Variants in RBFOX1 observed in about 807,000 individuals in gnomAD.
The protein encoded by RBFOX1 is RNA binding fox-1 homolog 1.
In RBFOX1, 8 loss-of-function variants were observed where a neutral mutation model predicts 57.7. The observed-to-expected ratio is 0.14, with a 90% CI of 0.08 to 0.25. The LOEUF is 0.25. Ranked by LOEUF, RBFOX1 falls within the 10% of genes least tolerant of loss-of-function variation. The pLI, the probability that RBFOX1 is intolerant of heterozygous loss-of-function variation, is 1.00. For synonymous variants in RBFOX1, 326 were observed against 222.4 expected (o/e 1.47, Z -4.15); for missense variants, 611 against 548.5 (o/e 1.11, Z -1.14).
At chr16:6,881,260 A>G (rs990133430) in intron 3 of RBFOX1, among the ~76,000 whole-genome samples, 1 of 152,198 alleles carries the variant, frequency 6.6e-6, no homozygotes, top group African/African-American at 2.4e-5. Flanking sequence ...GATTGGACCT[A>G]GGTGGGGAGA....
At chr16:5,613,931 T>A (rs1184886249) in intron 3 of RBFOX1, among the ~76,000 whole-genome samples, 3 of 152,066 alleles carry the variant, frequency 2.0e-5, no homozygotes, top group Non-Finnish European at 2.9e-5. Context: ...GGACTTTTTT[T>A]TTTTTTTTAT....
At position 6,348,643 on chromosome 16, in the gene RBFOX1, CAGG is replaced by C. The variant is rs1251049412; in HGVS notation, c.-64+31593_-64+31595del. Among the ~76,000 whole-genome samples, 3 of 152,294 alleles carry C rather than the reference CAGG, an allele frequency of 2.0e-5. No individual in the cohort carries two copies. In the East Asian group the frequency reaches 5.8e-4, roughly 29 times the overall value. On this transcript the variant is annotated intron_variant, in intron 2 of 15. Coordinates refer to ENST00000550418, the MANE Select transcript of RBFOX1 (RefSeq NM_018723.4). ...CTTTTACTCATGACGGAAGGCAAAG[CAGG>C]AGGAGGCATCTCAGAGCAGGAGCAG... is the stretch of plus-strand genomic sequence containing the variant.
chr16:6,724,762 A>G (rs770050848), intron 3 of RBFOX1, among the ~76,000 whole-genome samples: 6 of 152,072 alleles, frequency 3.9e-5, no homozygotes, highest in Non-Finnish European at 7.3e-5. Flanking sequence ...GTTCTGGGGT[A>G]CACTTGCAGA....
intron 4 of RBFOX1, among the ~76,000 whole-genome samples, chr16:7,127,610 G>A (rs1246125278): frequency 1.3e-5 from 2 of 152,194 alleles, no homozygotes; most frequent in Admixed American, 1.3e-4. Flanking sequence ...TGAATAAGTT[G>A]AGAGTGAGAG....
intron 1 of RBFOX1, among the ~76,000 whole-genome samples, chr16:6,308,101 A>G (rs1372580899): frequency 1.3e-5 from 2 of 151,210 alleles, no homozygotes; most frequent in African/African-American, 4.8e-5. Context: ...TATTTAGGTT[A>G]TTATTTACAT....
At chr16:7,495,883 C>G (rs1006448426) in intron 4 of RBFOX1, among the ~76,000 whole-genome samples, 2 of 127,048 alleles carry the variant, frequency 1.6e-5, no homozygotes, top group East Asian at 2.2e-4. Flanking sequence ...TTTTTCTTCT[C>G]CATTCAAAGA....
At chr16:7,537,874 G>T (rs1047285568) in intron 5 of RBFOX1, among the ~76,000 whole-genome samples, 1 of 152,240 alleles carries the variant, frequency 6.6e-6, no homozygotes, top group Non-Finnish European at 1.5e-5. Flanking sequence ...CATACATAAT[G>T]CATGAGGGGA....
Position 5,454,611 on chromosome 16 carries a change from C to A in RBFOX1, c.220-12605C>A, listed in dbSNP as rs151276564. ...AAGAGGGAATTCTGCAGTAGGTGGC[C>A]CTTGGACTTGAACTATGGCATCTAC... On this transcript the variant is annotated intron_variant, in intron 1 of 2. Coordinates refer to the RBFOX1 transcript ENST00000585867. 2.4e-3 allele frequency among the ~76,000 whole-genome samples: 364 copies of A among 152,184 alleles called. 3 individuals carry two copies. Among genetic ancestry groups the A allele is most frequent in the African/African-American group, 8.2e-3 (339 of 41,528 alleles).
At chr16:7,523,147 A>G (rs1360376624) in intron 5 of RBFOX1, among the ~76,000 whole-genome samples, 3 of 152,188 alleles carry the variant, frequency 2.0e-5, no homozygotes, top group Non-Finnish European at 4.4e-5. Context: ...AGATTCATCC[A>G]TATTGTTGCA....
chr16:5,699,083 A>T (rs752193512), intron 3 of RBFOX1, among the ~76,000 whole-genome samples: 2 of 147,670 alleles, frequency 1.4e-5, no homozygotes, highest in Non-Finnish European at 3.0e-5. Context: ...CATCTCATGG[A>T]TTCAAGTGAT....
At chr16:6,291,184 G>A (rs1386528915) in intron 1 of RBFOX1, among the ~76,000 whole-genome samples, 2 of 152,096 alleles carry the variant, frequency 1.3e-5, no homozygotes, top group African/African-American at 4.8e-5. Context: ...TATCAGCAAG[G>A]TCTTCTTGAC....
At chr16:6,872,674 G>T (rs534219929) in intron 3 of RBFOX1, among the ~76,000 whole-genome samples, 2 of 152,180 alleles carry the variant, frequency 1.3e-5, no homozygotes, top group Non-Finnish European at 2.9e-5. Flanking sequence ...CACTGTCACT[G>T]CTAGCAAAAT....
intron 4 of RBFOX1, among the ~76,000 whole-genome samples, chr16:7,100,376 CT>C (rs1461846974): frequency 2.0e-5 from 3 of 152,230 alleles, no homozygotes; most frequent in Non-Finnish European, 4.4e-5. Context: ...TCCCCCCAGC[CT>C]ATCACTCATC....
intron 3 of RBFOX1, among the ~76,000 whole-genome samples, chr16:6,888,587 G>A (rs1473317768): frequency 6.6e-6 from 1 of 151,856 alleles, no homozygotes; most frequent in Non-Finnish European, 1.5e-5. Flanking sequence ...GTGTCCGTAG[G>A]GTTAGAAGTG....
At chr16:7,709,201 T>G (rs2083459716) in intron 15 of RBFOX1, 70 bp downstream of exon 15, 8 of 1,413,306 alleles carry the variant, frequency 5.7e-6, no homozygotes, top group Admixed American at 3.7e-5. Context: ...GGGACCTCAG[T>G]ACGGGTTGAC....
chr16:6,716,388 G>A (rs535484357), intron 3 of RBFOX1, among the ~76,000 whole-genome samples: 2 of 152,098 alleles, frequency 1.3e-5, no homozygotes, highest in Middle Eastern at 3.2e-3. Flanking sequence ...TAACTGGAAG[G>A]CTGGAAGTGC....
At chr16:7,408,138 C>G (rs1049715818) in intron 4 of RBFOX1, among the ~76,000 whole-genome samples, 8 of 152,172 alleles carry the variant, frequency 5.3e-5, no homozygotes, top group African/African-American at 1.9e-4. Context: ...GGGGTCAGAA[C>G]ATACACATTC....
chr16:5,680,121 C>T (rs910197220), intron 3 of RBFOX1, among the ~76,000 whole-genome samples: 1 of 152,148 alleles, frequency 6.6e-6, no homozygotes, highest in Non-Finnish European at 1.5e-5. Flanking sequence ...CATCATGAGA[C>T]TGGCAGAGGA....
Position 6,107,799 on chromosome 16 carries a change from A to G in RBFOX1, c.-127+87807A>G, listed in dbSNP as rs143839007. Among the ~76,000 whole-genome samples, 11 of 152,124 alleles carry G rather than the reference A, an allele frequency of 7.2e-5. No homozygotes were observed. In the East Asian group the frequency reaches 2.1e-3, roughly 29 times the overall value. ...TGGATGGATGGGTGGATGAATAGCA[A>G]TTTCTAGATCTTACTGTCTATACCT... On this transcript the variant is annotated intron_variant, in intron 1 of 15. Transcript: ENST00000550418.
Sources: gnomAD v4.1 joint callset for allele counts (sites outside exome capture counted in the v4.1 genomes callset) on GRCh38, gnomAD v4.1.1 for gene constraint, MANE v1.5 for transcripts, NCBI Gene and HGNC (gene_info 2026-07-23, HGNC 2026-07-21) for gene names.